Variants in PPP2R2A observed in about 807,000 individuals in gnomAD.
PPP2R2A encodes serine/threonine-protein phosphatase 2A 55 kDa regulatory subunit B alpha isoform.
Under a neutral mutation model 53.2 loss-of-function variants are expected in PPP2R2A, and 9 were observed. The observed-to-expected ratio is 0.17, with a 90% CI of 0.10 to 0.30. The LOEUF (loss-of-function observed/expected upper bound fraction) is 0.30. PPP2R2A is among the 10% of genes least tolerant of loss of function. The pLI, the probability that PPP2R2A is intolerant of heterozygous loss-of-function variation, is 1.00. For synonymous variants in PPP2R2A, 169 were observed against 174.2 expected (o/e 0.97, Z 0.23); for missense variants, 235 against 534.6 (o/e 0.44, Z 5.53).
Position 26,362,629 on chromosome 8 carries a change from G to A in PPP2R2A, c.638-55G>A. 1 of 1,541,240 alleles carries A rather than the reference G, an allele frequency of 6.5e-7. No homozygotes were observed. Among genetic ancestry groups the A allele is most frequent in the Non-Finnish European group, 8.9e-7 (1 of 1,123,680 alleles). On this transcript the variant is annotated intron_variant, in intron 6 of 9. Coordinates refer to ENST00000380737, the MANE Select transcript of PPP2R2A (RefSeq NM_002717.4). The surrounding 1 kb of genome is among the most constrained non-coding windows in gnomAD (Gnocchi z 4.4). Reference sequence around the variant, plus strand: ...ATGGGTTTTAGGTTTGAGAAATGTAGAATTATATTTGCCCTTTTTTCTAAG... The same window carrying A: ...ATGGGTTTTAGGTTTGAGAAATGTAAAATTATATTTGCCCTTTTTTCTAAG...
chr8:26,297,457 A>G (rs1373380360), intron 2 of PPP2R2A, among the ~76,000 whole-genome samples: 1 of 152,150 alleles, frequency 6.6e-6, no homozygotes, highest in South Asian at 2.1e-4. Context: ...TGTTTGAGAT[A>G]CCGTACTCTC....
rs939567794 is a variant in PPP2R2A at position 26,333,447 on chromosome 8, A to G, written c.83-5443A>G. On this transcript the variant is annotated intron_variant, in intron 2 of 9. Coordinates refer to ENST00000380737, the MANE Select transcript of PPP2R2A (RefSeq NM_002717.4). ...GTATTAAAAATTATATAGGTAATAC[A>G]GTTATAACCCTCTTTGCACTTTGAT... is the stretch of plus-strand genomic sequence containing the variant. The G allele has an allele frequency of 5.1e-6, 5 of 983,100 alleles. No homozygotes were observed. In the Admixed American group the frequency reaches 1.2e-4, roughly 24 times the overall value. The allele number at this position is 983,100 out of a possible 1,614,324, so 60.9% of individuals were successfully genotyped here. A position where few individuals can be genotyped will look rare whatever the true frequency, so the allele number is the denominator to read the frequency against.
chr8:26,354,485 T>C lies in PPP2R2A; in HGVS notation c.198T>C (p.His66=). The C allele has an allele frequency of 1.9e-6, 3 of 1,569,506 alleles. No individual in the cohort carries two copies. The highest frequency in any genetic ancestry group is 2.4e-5 in the South Asian group (2 of 82,750). ...QQEQENKIQS[H]SRGEYNVYST... ...CATTTTAGAACAAAATCCAGTCTCA[T>C]AGCAGAGGAGAATATAATGTTTACA... is the stretch of plus-strand genomic sequence containing the variant. Residue 66 remains histidine (H), a synonymous_variant, in exon 4 of 10, where the codon CAT becomes CAC. Coordinates refer to ENST00000380737, the MANE Select transcript of PPP2R2A (RefSeq NM_002717.4). This position sits in a 1 kb window ranked among gnomAD's most constrained non-coding sequence, Gnocchi z 4.6.
chr8:26,319,264 G>T (rs1319810459), intron 2 of PPP2R2A, among the ~76,000 whole-genome samples: 1 of 152,094 alleles, frequency 6.6e-6, no homozygotes, highest in Admixed American at 6.5e-5. Context: ...GTGTTGCTAT[G>T]AACACTGATC....
intron 3 of PPP2R2A, among the ~76,000 whole-genome samples, chr8:26,348,007 T>C (rs577217148): frequency 2.0e-5 from 3 of 152,214 alleles, no homozygotes; most frequent in Admixed American, 2.0e-4. Context: ...TAATTTTGTT[T>C]TGTACCATTT....
rs556390023 is a variant in PPP2R2A, at chr8:26,321,672, C to T, written c.83-17218C>T. Among the ~76,000 whole-genome samples the T allele has an allele frequency of 2.2e-4, 34 of 152,306 alleles. No homozygotes were observed. In the East Asian group the frequency reaches 6.4e-3, roughly 29 times the overall value. On this transcript the variant is annotated intron_variant, in intron 2 of 9. Transcript: ENST00000380737. This position sits in a 1 kb window ranked among gnomAD's most constrained non-coding sequence, Gnocchi z 4.1. ...CTGGCGACCTGACACCTGTCAGCAG[C>T]CAGGCGCACGAGCTTGGAAGTAGAT...
chr8:26,291,838 A>G lies in PPP2R2A; in HGVS notation c.7+12A>G. 1.2e-6 allele frequency: 2 copies of G among 1,608,224 alleles called. No individual in the cohort carries two copies. Among genetic ancestry groups the G allele is most frequent in the Admixed American group, 1.7e-5 (1 of 59,346 alleles). On this transcript the variant is annotated intron_variant, in intron 1 of 9. Coordinates refer to ENST00000380737, the MANE Select transcript of PPP2R2A (RefSeq NM_002717.4). ...GCGCAACATGGCAGGTAAAGGAGAA[A>G]TCCCCCTCGCCCCCTGACAAGGCAC...
rs945588423 is a variant in PPP2R2A, at chr8:26,338,226, C to A, written c.83-664C>A. Among the ~76,000 whole-genome samples the A allele has an allele frequency of 1.3e-5, 2 of 150,030 alleles. No individual in the cohort carries two copies. Among genetic ancestry groups the A allele is most frequent in the Admixed American group, 6.6e-5 (1 of 15,174 alleles). ...TAGTGTGAAAAACCAAGAAAAAAAA[C>A]TTGACAGTTTTCTTTGATCATGACT... On this transcript the variant is annotated intron_variant, in intron 2 of 9. Transcript: ENST00000380737. The surrounding 1 kb of genome is among the most constrained non-coding windows in gnomAD (Gnocchi z 4.5).
At chr8:26,331,247 A>C (rs1394363449) in intron 2 of PPP2R2A, among the ~76,000 whole-genome samples, 2 of 152,120 alleles carry the variant, frequency 1.3e-5, no homozygotes, top group Non-Finnish European at 2.9e-5. Flanking sequence ...TTCCTTTCTA[A>C]GAGTATCCAA....
At chr8:26,298,662 G>A (rs1022540821) in intron 2 of PPP2R2A, 3 of 152,088 alleles carry the variant, frequency 2.0e-5, no homozygotes, top group Non-Finnish European at 4.4e-5. Flanking sequence ...TTTAAAAAAC[G>A]TAATCAATCT....
Position 26,363,064 on chromosome 8 carries a change from A to G in PPP2R2A, c.802+216A>G, listed in dbSNP as rs541984126. ...GCATGTCTATTGATTGCCAAGGAAT[A>G]TATCTCTCATGGAATGCTGTTGTTC... On this transcript the variant is annotated intron_variant, in intron 7 of 9. Transcript: ENST00000380737. The G allele has an allele frequency of 8.5e-4, 417 of 492,476 alleles. 2 individuals carry two copies. Among genetic ancestry groups the G allele is most frequent in the Non-Finnish European group, 1.3e-3 (368 of 275,708 alleles). The allele number at this position is 492,476 out of a possible 1,614,324, so 30.5% of individuals were successfully genotyped here.
chr8:26,345,406 G>A (rs945185568), intron 3 of PPP2R2A, among the ~76,000 whole-genome samples: 1 of 151,958 alleles, frequency 6.6e-6, no homozygotes, highest in African/African-American at 2.4e-5. Context: ...AGTAAATATG[G>A]ATAAGTGGCA....
intron 2 of PPP2R2A, among the ~76,000 whole-genome samples, chr8:26,305,882 A>T (rs1469263630): frequency 1.3e-5 from 2 of 152,192 alleles, no homozygotes; most frequent in African/African-American, 4.8e-5. Flanking sequence ...AAAAAATCCC[A>T]TATTGCAGGT....
intron 1 of PPP2R2A, chr8:26,293,381 A>AC: frequency 9.7e-7 from 1 of 1,033,818 alleles, no homozygotes; most frequent in Non-Finnish European, 1.4e-6. Flanking sequence ...GTCTTGCCTG[A>AC]ATGTAAGGCT....
chr8:26,339,227 G>C (rs1022255530), intron 3 of PPP2R2A, among the ~76,000 whole-genome samples: 2 of 152,184 alleles, frequency 1.3e-5, no homozygotes, highest in Non-Finnish European at 2.9e-5. Context: ...TACTTGATTA[G>C]AGAAGGGGGT....
intron 3 of PPP2R2A, among the ~76,000 whole-genome samples, chr8:26,341,173 T>G (rs1320835088): frequency 6.6e-6 from 1 of 152,180 alleles, no homozygotes; most frequent in African/African-American, 2.4e-5. Context: ...AGTGATAGAT[T>G]AAGTAAAGAT....
intron 2 of PPP2R2A, among the ~76,000 whole-genome samples, chr8:26,300,470 C>T (rs183080414): frequency 1.3e-5 from 2 of 152,294 alleles, no homozygotes; most frequent in Non-Finnish European, 2.9e-5. Context: ...TTAATATCCT[C>T]AACTGTAATC....
At chr8:26,299,339 A>G (rs1013378384) in intron 2 of PPP2R2A, among the ~76,000 whole-genome samples, 8 of 152,172 alleles carry the variant, frequency 5.3e-5, no homozygotes, top group African/African-American at 1.9e-4. Context: ...ATTGTTTAGT[A>G]ATCTTAAAAT....
intron 2 of PPP2R2A, among the ~76,000 whole-genome samples, chr8:26,326,987 G>A (rs1803121475): frequency 6.6e-6 from 1 of 152,180 alleles, no homozygotes; most frequent in East Asian, 1.9e-4. Flanking sequence ...TTATCCAAAC[G>A]GGCTATCAGA....
Sources: gnomAD v4.1 joint callset for allele counts (sites outside exome capture counted in the v4.1 genomes callset) on GRCh38, gnomAD v4.1.1 for gene constraint, Gnocchi (gnomAD v3.1) non-coding constraint, MANE v1.5 for transcripts, NCBI Gene and HGNC (gene_info 2026-07-23, HGNC 2026-07-21) for gene names.